RADIL: variants seen among roughly 807,000 people sequenced by gnomAD.
The protein encoded by RADIL is ras-associating and dilute domain-containing protein.
RADIL carries 99 observed loss-of-function variants against 97.6 expected under a neutral mutation model. The observed-to-expected ratio is 1.01, with a 90% confidence interval of 0.86 to 1.20. The LOEUF (loss-of-function observed/expected upper bound fraction) is 1.20. Among genes scored for constraint, RADIL ranks in the 50% most tolerant of loss-of-function variants. The pLI is 0.00. For missense variants in RADIL, 1,765 were observed against 1,498.9 expected, an observed-to-expected ratio of 1.18 and a Z score of -2.93; for synonymous variants, 803 against 691.8, an observed-to-expected ratio of 1.16 and a Z score of -2.52.
At chr7:4,809,732 G>A (rs2115177336) in intron 9 of RADIL, 1 of 717,326 alleles carries the variant, frequency 1.4e-6, no homozygotes, top group South Asian at 6.2e-5. Context: ...GCCCAGGCCG[G>A]AGTGCAGTGG....
intron 2 of RADIL, among the ~76,000 whole-genome samples, chr7:4,856,532 T>C (rs6463135): frequency 0.49 from 74,320 of 152,120 alleles, 20,616 homozygotes; most frequent in African/African-American, 0.76. Flanking sequence ...TTCAGTTTTT[T>C]ACTTTTCACG....
rs538893571 is a variant in RADIL at position 4,801,012 on chromosome 7, G to A, written c.2842+641C>T. On this transcript the variant is annotated intron_variant, in intron 12 of 14. Transcript: ENST00000399583. ...GCCCTCCCCAGCCTAGGCCAGCTGC[G>A]CACACACACTCATGCACACATATAC... Among the ~76,000 whole-genome samples the A allele has an allele frequency of 6.5e-4, 99 of 152,284 alleles. 1 individual carries two copies. Among genetic ancestry groups the A allele is most frequent in the African/African-American group, 1.8e-3 (74 of 41,560 alleles).
At chr7:4,866,969 C>T (rs1468440932) in intron 2 of RADIL, among the ~76,000 whole-genome samples, 3 of 152,132 alleles carry the variant, frequency 2.0e-5, no homozygotes, top group African/African-American at 7.2e-5. Flanking sequence ...AGCCAGGGCA[C>T]CCCTCAGGTT....
At chr7:4,823,133 G>A (rs544160895) in intron 5 of RADIL, among the ~76,000 whole-genome samples, 5 of 152,202 alleles carry the variant, frequency 3.3e-5, no homozygotes, top group South Asian at 4.1e-4. Flanking sequence ...CAAAGCATGA[G>A]ATTTGAAGAC....
chr7:4,822,081 C>T lies in RADIL; in HGVS notation c.1615+313G>A, dbSNP rs571219231. Reference sequence around the variant, plus strand: ...CCTACTGAGTGATCTGTGTACCCCCCGGGCCCTCCTGCAAGCAGAAGAGTG... The same window carrying T: ...CCTACTGAGTGATCTGTGTACCCCCTGGGCCCTCCTGCAAGCAGAAGAGTG... On this transcript the variant is annotated intron_variant, in intron 6 of 14. Transcript: ENST00000399583. This position sits in a 1 kb window ranked among gnomAD's most constrained non-coding sequence, Gnocchi z 5.3. Among the ~76,000 whole-genome samples the T allele has an allele frequency of 2.0e-5, 3 of 152,102 alleles. No individual in the cohort carries two copies. The highest frequency in any genetic ancestry group is 4.8e-5 in the African/African-American group (2 of 41,498).
intron 2 of RADIL, among the ~76,000 whole-genome samples, chr7:4,852,988 T>C (rs1419050629): frequency 6.6e-6 from 1 of 152,184 alleles, no homozygotes; most frequent in Non-Finnish European, 1.5e-5. Flanking sequence ...TGGTACTTAA[T>C]GGATTATACC....
intron 2 of RADIL, among the ~76,000 whole-genome samples, chr7:4,848,736 G>C (rs7779571): frequency 0.28 from 42,560 of 152,042 alleles, 6,078 homozygotes; most frequent in South Asian, 0.37. Flanking sequence ...TGGAAATTTG[G>C]AGAGGCGGGT....
intron 1 of RADIL, among the ~76,000 whole-genome samples, chr7:4,881,136 C>G (rs1035320502): frequency 3.9e-5 from 5 of 129,366 alleles, no homozygotes; most frequent in Non-Finnish European, 4.8e-5. Flanking sequence ...AAAAAGATGG[C>G]TGGGCACGGT....
In RADIL at chr7:4,873,739, T is replaced by C. The variant is rs1301623340; in HGVS notation, c.535+3866A>G. ...ACAAACAGACACCACAGCAGCCCCA[T>C]CGGTGCCCAGGGAGGCGCAGGACAG... On this transcript the variant is annotated intron_variant, in intron 2 of 14. Coordinates refer to ENST00000399583, the MANE Select transcript of RADIL (RefSeq NM_018059.5). The surrounding 1 kb of genome is among the most constrained non-coding windows in gnomAD (Gnocchi z 4.3). 6.6e-6 allele frequency among the ~76,000 whole-genome samples: 1 copy of C among 152,110 alleles called. No individual in the cohort carries two copies. The highest frequency in any genetic ancestry group is 1.5e-5 in the Non-Finnish European group (1 of 68,030).
chr7:4,800,378 C>G (rs1782041894), intron 12 of RADIL, 68 bp from the exon 13 acceptor site: 3 of 1,384,974 alleles, frequency 2.2e-6, no homozygotes, highest in Admixed American at 3.4e-5. Flanking sequence ...ATGGGATGTC[C>G]TGGCCTGGCT....
chr7:4,830,045 T>A (rs969598965), intron 5 of RADIL, among the ~76,000 whole-genome samples: 3 of 152,146 alleles, frequency 2.0e-5, no homozygotes, highest in Admixed American at 2.0e-4. Flanking sequence ...CTGCCTAGCG[T>A]GGCCACCACC....
rs768367467 is a variant in RADIL, at chr7:4,880,620, G to C, written c.-64-2417C>G. Among the ~76,000 whole-genome samples the C allele has an allele frequency of 7.1e-4, 108 of 152,280 alleles. No individual in the cohort carries two copies. Among genetic ancestry groups the C allele is most frequent in the African/African-American group, 2.4e-3 (100 of 41,564 alleles). ...AGGCAGCACACACTGGCAGAGGGTC[G>C]GCCACCACCTTTTCATAGTGCTCAT... On this transcript the variant is annotated intron_variant, in intron 1 of 14. Coordinates refer to ENST00000399583, the MANE Select transcript of RADIL (RefSeq NM_018059.5). The surrounding 1 kb of genome is among the most constrained non-coding windows in gnomAD (Gnocchi z 4.5).
In RADIL at chr7:4,799,417, T is replaced by C; in HGVS notation, c.3189A>G (p.Glu1063=). The change falls in exon 15 of 15, where the codon GAA becomes GAG. Residue 1063 remains glutamate (E), a synonymous_variant. Coordinates refer to ENST00000399583, the MANE Select transcript of RADIL (RefSeq NM_018059.5). ...MRFLVAKSDV[E]TAKKIHFRTP... Reference sequence around the variant, plus strand: ...TGCGGAAATGGATCTTCTTGGCTGTTTCCACGTCGGACTTCGCGACCAGGA... The same window carrying C: ...TGCGGAAATGGATCTTCTTGGCTGTCTCCACGTCGGACTTCGCGACCAGGA... The C allele has an allele frequency of 6.2e-7, 1 of 1,613,824 alleles. No individual in the cohort carries two copies. Among genetic ancestry groups the C allele is most frequent in the Non-Finnish European group, 8.5e-7 (1 of 1,179,978 alleles).
intron 2 of RADIL, among the ~76,000 whole-genome samples, chr7:4,853,781 A>C (rs1002953297): frequency 5.9e-5 from 9 of 151,864 alleles, no homozygotes; most frequent in African/African-American, 2.2e-4. Context: ...TGTACATGGA[A>C]AGTTATTTGG....
At chr7:4,863,556 T>G (rs1784069235) in intron 2 of RADIL, among the ~76,000 whole-genome samples, 1 of 152,226 alleles carries the variant, frequency 6.6e-6, no homozygotes, top group South Asian at 2.1e-4. Context: ...TCAGTGTAAT[T>G]TCTTATCCAG....
At position 4,815,046 on chromosome 7, in the gene RADIL, G is replaced by A. The variant is rs1372057646; in HGVS notation, c.2139+232C>T. ...GCTTCTTTGCCATGTGGGGTAATAC[G>A]GTCACAGGGTAAGACGGTCACGGGT... On this transcript the variant is annotated intron_variant, in intron 9 of 14. Coordinates refer to ENST00000399583, the MANE Select transcript of RADIL (RefSeq NM_018059.5). The surrounding 1 kb of genome is among the most constrained non-coding windows in gnomAD (Gnocchi z 8.0). Among the ~76,000 whole-genome samples, 4 of 152,136 alleles carry A rather than the reference G, an allele frequency of 2.6e-5. No homozygotes were observed. The highest frequency in any genetic ancestry group is 5.9e-5 in the Non-Finnish European group (4 of 68,034).
intron 9 of RADIL, among the ~76,000 whole-genome samples, chr7:4,807,117 G>A (rs1479572102): frequency 6.6e-6 from 1 of 152,038 alleles, no homozygotes; most frequent in Non-Finnish European, 1.5e-5. Context: ...TCGCTGCTGG[G>A]TCCCCTCTGT....
chr7:4,806,956 G>C (rs962326665), intron 9 of RADIL, among the ~76,000 whole-genome samples: 1 of 152,194 alleles, frequency 6.6e-6, no homozygotes, highest in Non-Finnish European at 1.5e-5. Context: ...TCGTCCTGCA[G>C]CCCTGGGATG....
Position 4,883,365 on chromosome 7 carries a change from C to T in RADIL, c.-65+231G>A, listed in dbSNP as rs1256530282. ...TCCCCGCAGGCTGGGCCGCCCTTGC[C>T]CGCGCTAGCCGGCCTCCGGGTACCG... On this transcript the variant is annotated intron_variant, in intron 1 of 14. Coordinates refer to ENST00000399583, the MANE Select transcript of RADIL (RefSeq NM_018059.5). The surrounding 1 kb of genome is among the most constrained non-coding windows in gnomAD (Gnocchi z 7.1). Among the ~76,000 whole-genome samples the T allele has an allele frequency of 2.6e-5, 4 of 152,134 alleles. No individual in the cohort carries two copies. Among genetic ancestry groups the T allele is most frequent in the African/African-American group, 9.7e-5 (4 of 41,446 alleles).
Sources: allele counts gnomAD v4.1 joint callset (sites outside exome capture counted in the v4.1 genomes callset), GRCh38; gene constraint gnomAD v4.1.1; non-coding constraint Gnocchi (gnomAD v3.1); transcripts MANE v1.5; gene names NCBI Gene and HGNC (gene_info 2026-07-23, HGNC 2026-07-21).